MAMDC2: variants seen among roughly 807,000 people sequenced by gnomAD.
MAMDC2 encodes MAM domain-containing protein 2.
MAMDC2 carries 57 observed loss-of-function variants against 89.8 expected under a neutral mutation model. That is an observed-to-expected ratio of 0.63 (90% CI 0.51 to 0.79). The LOEUF (loss-of-function observed/expected upper bound fraction) is 0.79. MAMDC2 is among the 30% of genes least tolerant of loss of function. The probability of loss-of-function intolerance (pLI) is 0.00; values close to 1 mark genes in which losing one functional copy is unlikely to be tolerated. For missense variants in MAMDC2, 800 were observed against 820.6 expected (o/e 0.97, Z 0.31); for synonymous variants, 313 against 293.4 (o/e 1.07, Z -0.68).
intron 7 of MAMDC2, among the ~76,000 whole-genome samples, chr9:70,133,691 C>G (rs985532508): frequency 6.6e-6 from 1 of 152,194 alleles, no homozygotes; most frequent in African/African-American, 2.4e-5. Flanking sequence ...CTTTCCACAT[C>G]TATAGCAAAG....
intron 12 of MAMDC2, among the ~76,000 whole-genome samples, chr9:70,223,671 C>T (rs1389869752): frequency 6.6e-6 from 1 of 152,174 alleles, no homozygotes; most frequent in East Asian, 1.9e-4. Context: ...TGTACTTGGG[C>T]ACCCTGGGGC....
chr9:70,140,875 T>C (rs561485325), intron 8 of MAMDC2, among the ~76,000 whole-genome samples: 1 of 152,226 alleles, frequency 6.6e-6, no homozygotes, highest in African/African-American at 2.4e-5. Context: ...GGACACTTGA[T>C]GGATATATTT....
chr9:70,090,123 T>TCA lies in MAMDC2; in HGVS notation c.149-18061_149-18060dup, dbSNP rs56982239. 1.9e-3 allele frequency among the ~76,000 whole-genome samples: 277 copies of TCA among 148,098 alleles called. No individual in the cohort carries two copies. The East Asian group carries it at 0.035, about 19-fold the overall frequency. ...CAATTAAAAAAATAGGCCAAGGATG[T>TCA]CACACACACACACACACACACACAC... is the stretch of plus-strand genomic sequence containing the variant. On this transcript the variant is annotated intron_variant, in intron 2 of 13. Coordinates refer to ENST00000377182, the MANE Select transcript of MAMDC2 (RefSeq NM_153267.5).
intron 7 of MAMDC2, among the ~76,000 whole-genome samples, chr9:70,135,949 T>C (rs1415629527): frequency 6.6e-6 from 1 of 152,034 alleles, no homozygotes; most frequent in Admixed American, 6.6e-5. Flanking sequence ...CTAGGAGTTG[T>C]AGACCAGCCT....
chr9:70,054,678 G>C (rs1046697543), intron 2 of MAMDC2, among the ~76,000 whole-genome samples: 1 of 151,938 alleles, frequency 6.6e-6, no homozygotes, highest in African/African-American at 2.4e-5. Context: ...TGAAAAGAGG[G>C]GGGCTTCCTT....
chr9:70,224,868 A>G (rs994474022), intron 12 of MAMDC2, among the ~76,000 whole-genome samples: 1 of 152,224 alleles, frequency 6.6e-6, no homozygotes. Flanking sequence ...AGCATCTTTG[A>G]AACATTAATT....
chr9:70,144,348 C>T (rs1452766226), intron 9 of MAMDC2, among the ~76,000 whole-genome samples: 2 of 152,130 alleles, frequency 1.3e-5, no homozygotes, highest in Non-Finnish European at 2.9e-5. Context: ...AGAGAATTTA[C>T]ATAAGGGAAC....
intron 11 of MAMDC2, among the ~76,000 whole-genome samples, chr9:70,209,893 C>T (rs561534828): frequency 6.6e-6 from 1 of 152,128 alleles, no homozygotes; most frequent in African/African-American, 2.4e-5. Context: ...TCGTTATGTA[C>T]CCAATAGTCA....
intron 5 of MAMDC2, among the ~76,000 whole-genome samples, chr9:70,123,932 G>A (rs1199884536): frequency 5.3e-5 from 8 of 152,212 alleles, no homozygotes; most frequent in Non-Finnish European, 1.0e-4. Flanking sequence ...CCAGAACTGT[G>A]AGGCAATACA....
At chr9:70,047,523 G>A (rs61416419) in intron 2 of MAMDC2, among the ~76,000 whole-genome samples, 11,449 of 152,136 alleles carry the variant, frequency 0.075, 567 homozygotes, top group East Asian at 0.22. Flanking sequence ...CCCTGCAAAG[G>A]ACATAAACTC....
At chr9:70,225,208 C>G (rs1340443526) in intron 12 of MAMDC2, among the ~76,000 whole-genome samples, 2 of 152,150 alleles carry the variant, frequency 1.3e-5, no homozygotes, top group Non-Finnish European at 2.9e-5. Context: ...TCTGCCTGAG[C>G]TGTGTCTTTG....
intron 8 of MAMDC2, among the ~76,000 whole-genome samples, chr9:70,142,553 T>C (rs936212247): frequency 3.3e-5 from 5 of 152,142 alleles, no homozygotes; most frequent in Non-Finnish European, 7.4e-5. Flanking sequence ...ACAGACTGGG[T>C]GGCTTAAACA....
chr9:70,120,125 G>C (rs2030218750), intron 5 of MAMDC2, among the ~76,000 whole-genome samples: 1 of 152,046 alleles, frequency 6.6e-6, no homozygotes, highest in Admixed American at 6.5e-5. Flanking sequence ...CTTCTAAATT[G>C]CCCCCTCAAA....
At chr9:70,052,440 A>G (rs1826930369) in intron 2 of MAMDC2, among the ~76,000 whole-genome samples, 1 of 152,136 alleles carries the variant, frequency 6.6e-6, no homozygotes. Flanking sequence ...CTCCTGTCCC[A>G]TGCTCATCTA....
At chr9:70,185,828 G>C (rs2032743824) in intron 11 of MAMDC2, among the ~76,000 whole-genome samples, 1 of 152,150 alleles carries the variant, frequency 6.6e-6, no homozygotes, top group South Asian at 2.1e-4. Context: ...CATGGGAGTG[G>C]GACCCACTGA....
chr9:70,068,238 A>T (rs1454326660), intron 2 of MAMDC2, among the ~76,000 whole-genome samples: 6 of 152,188 alleles, frequency 3.9e-5, no homozygotes, highest in African/African-American at 1.4e-4. Flanking sequence ...CTGGGCACAG[A>T]TGCTACTTCT....
At chr9:70,163,779 C>A (rs997443041) in intron 9 of MAMDC2, among the ~76,000 whole-genome samples, 3 of 151,288 alleles carry the variant, frequency 2.0e-5, no homozygotes, top group African/African-American at 7.3e-5. Flanking sequence ...CAAGGTGAAA[C>A]CCTGTCTCTA....
chr9:70,123,443 C>A (rs944525010), intron 5 of MAMDC2, among the ~76,000 whole-genome samples: 4 of 152,152 alleles, frequency 2.6e-5, no homozygotes, highest in Non-Finnish European at 4.4e-5. Flanking sequence ...TCCGATTCTT[C>A]CTTTAAAATT....
chr9:70,218,967 A>G (rs1233022876), intron 12 of MAMDC2, among the ~76,000 whole-genome samples: 1 of 152,146 alleles, frequency 6.6e-6, no homozygotes, highest in Admixed American at 6.5e-5. Context: ...TTTACTCATC[A>G]TTACTCACAT....
Sources: gnomAD v4.1 joint callset for allele counts (sites outside exome capture counted in the v4.1 genomes callset) on GRCh38, gnomAD v4.1.1 for gene constraint, MANE v1.5 for transcripts, NCBI Gene and HGNC (gene_info 2026-07-23, HGNC 2026-07-21) for gene names.